Variants in TJP1 observed in about 807,000 individuals in gnomAD.
TJP1 encodes tight junction protein 1.
TJP1 carries 43 observed loss-of-function variants against 194.2 expected under a neutral mutation model. That is an observed-to-expected ratio of 0.22 (90% confidence interval 0.17 to 0.29). The LOEUF (loss-of-function observed/expected upper bound fraction) is 0.29. TJP1 is among the 10% of genes least tolerant of loss of function. The pLI is 1.00. For missense variants in TJP1, 1,971 were observed against 2,185.7 expected (o/e 0.90, Z 1.96); for synonymous variants, 801 against 779.0 (o/e 1.03, Z -0.47).
intron 2 of TJP1, among the ~76,000 whole-genome samples, chr15:29,908,094 AGAAG>A (rs2053885092): frequency 6.8e-6 from 1 of 146,068 alleles, no homozygotes; most frequent in Non-Finnish European, 1.5e-5. Flanking sequence ...AAGAAGAAGA[AGAAG>A]GAAAGATAAA....
chr15:29,778,610 C>A (rs75389152), intron 2 of TJP1, among the ~76,000 whole-genome samples: 1 of 152,118 alleles, frequency 6.6e-6, no homozygotes, highest in South Asian at 2.1e-4. Flanking sequence ...CCTTAGCATG[C>A]AGTGCCTTTG....
rs1225489261 is a variant in TJP1, at chr15:29,948,746, A to AACTTCT, written c.306+7480_306+7485dup. On this transcript the variant is annotated intron_variant, in intron 2 of 28. Transcript: ENST00000356107. The stretch of plus-strand genomic sequence containing the variant: ...AGCCCTGAAGAACATCCTACTGCAG[A>AACTTCT]ACTTCTAGTATATAACTTAATATCT... 2.6e-5 allele frequency among the ~76,000 whole-genome samples: 4 copies of AACTTCT among 152,200 alleles called. No homozygotes were observed. The East Asian group carries it at 7.7e-4, about 29-fold the overall frequency.
intron 2 of TJP1, among the ~76,000 whole-genome samples, chr15:29,856,772 G>A (rs2051869860): frequency 6.6e-6 from 1 of 151,342 alleles, no homozygotes; most frequent in Non-Finnish European, 1.5e-5. Context: ...AGGAGATCGA[G>A]ACCATCCTGG....
At chr15:29,789,090 C>A (rs1490789121) in intron 2 of TJP1, among the ~76,000 whole-genome samples, 1 of 152,022 alleles carries the variant, frequency 6.6e-6, no homozygotes, top group Non-Finnish European at 1.5e-5. Context: ...CTAAATAAGA[C>A]CTATTATAAA....
chr15:29,895,036 C>T (rs1567173806), intron 2 of TJP1, among the ~76,000 whole-genome samples: 1 of 152,170 alleles, frequency 6.6e-6, no homozygotes, highest in Non-Finnish European at 1.5e-5. Context: ...ATTGTTCTGC[C>T]ACCAAGGCCC....
chr15:29,771,474 TAGAGGAGGAAA>T (rs2046672489), intron 4 of TJP1, among the ~76,000 whole-genome samples: 1 of 152,044 alleles, frequency 6.6e-6, no homozygotes, highest in African/African-American at 2.4e-5. Flanking sequence ...CATGTGACTG[TAGAGGAGGAAA>T]AGAGGAGGAA....
At chr15:29,830,245 T>C (rs1211775341) in intron 2 of TJP1, among the ~76,000 whole-genome samples, 6 of 151,702 alleles carry the variant, frequency 4.0e-5, no homozygotes, top group African/African-American at 1.4e-4. Context: ...TGTGTATGTG[T>C]ACATCAACTA....
intron 1 of TJP1, among the ~76,000 whole-genome samples, chr15:29,809,586 C>T (rs946133094): frequency 1.3e-5 from 2 of 152,128 alleles, no homozygotes; most frequent in Non-Finnish European, 2.9e-5. Context: ...TGGCTCACAC[C>T]TGTAATCTCA....
chr15:29,966,784 GAT>G (rs1456994968), intron 1 of TJP1, among the ~76,000 whole-genome samples: 1 of 152,098 alleles, frequency 6.6e-6, no homozygotes, highest in Non-Finnish European at 1.5e-5. Context: ...GTTAGTTATT[GAT>G]AAGGGCTCAG....
At chr15:29,756,691 G>C (rs1644749860) in intron 8 of TJP1, among the ~76,000 whole-genome samples, 1 of 152,142 alleles carries the variant, frequency 6.6e-6, no homozygotes, top group African/African-American at 2.4e-5. Context: ...GACAACAATG[G>C]AACGCTGGTA....
intron 1 of TJP1, among the ~76,000 whole-genome samples, chr15:29,813,637 T>C (rs1390252775): frequency 1.3e-5 from 2 of 152,124 alleles, no homozygotes; most frequent in African/African-American, 4.8e-5. Context: ...AATTAGGTGG[T>C]AACTATAAAG....
At chr15:29,900,459 C>T (rs1596214978) in intron 2 of TJP1, among the ~76,000 whole-genome samples, 1 of 152,244 alleles carries the variant, frequency 6.6e-6, no homozygotes, top group African/African-American at 2.4e-5. Flanking sequence ...GAGGCTACTT[C>T]AACAGTACAG....
intron 2 of TJP1, among the ~76,000 whole-genome samples, chr15:29,918,353 T>C (rs1318014252): frequency 6.6e-6 from 1 of 152,178 alleles, no homozygotes; most frequent in African/African-American, 2.4e-5. Flanking sequence ...TGTGAACAGA[T>C]AACTAAGGAT....
At chr15:29,847,337 T>C (rs2152076011) in intron 2 of TJP1, among the ~76,000 whole-genome samples, 1 of 152,296 alleles carries the variant, frequency 6.6e-6, no homozygotes, top group Middle Eastern at 3.4e-3. Flanking sequence ...TTTGATTTTT[T>C]GCTTTTTTCT....
intron 1 of TJP1, among the ~76,000 whole-genome samples, chr15:29,803,006 G>C (rs755182121): frequency 2.6e-5 from 4 of 152,062 alleles, no homozygotes; most frequent in Non-Finnish European, 4.4e-5. Flanking sequence ...TAACATTAAG[G>C]GGGGAGCAGG....
intron 23 of TJP1, among the ~76,000 whole-genome samples, chr15:29,715,934 G>A (rs545766856): frequency 6.6e-5 from 10 of 152,276 alleles, no homozygotes; most frequent in South Asian, 2.1e-4. Context: ...CTGTGTGCCC[G>A]TGTGGGCTTA....
intron 2 of TJP1, among the ~76,000 whole-genome samples, chr15:29,872,661 C>T (rs2052566835): frequency 1.3e-5 from 2 of 152,146 alleles, no homozygotes; most frequent in African/African-American, 4.8e-5. Flanking sequence ...AAAGCAAGAA[C>T]TAGGAGCTGG....
intron 2 of TJP1, among the ~76,000 whole-genome samples, chr15:29,954,062 A>G (rs2152311670): frequency 6.6e-6 from 1 of 152,344 alleles, no homozygotes; most frequent in South Asian, 2.1e-4. Context: ...AGAGTCAAAT[A>G]GAAAAACCAT....
intron 2 of TJP1, among the ~76,000 whole-genome samples, chr15:29,844,463 A>T (rs1040351394): frequency 6.6e-6 from 1 of 152,148 alleles, no homozygotes; most frequent in Non-Finnish European, 1.5e-5. Context: ...ACCAGCAGTG[A>T]CCCAGGGATG....
Sources: gnomAD v4.1 joint callset for allele counts (sites outside exome capture counted in the v4.1 genomes callset) on GRCh38, gnomAD v4.1.1 for gene constraint, MANE v1.5 for transcripts, NCBI Gene and HGNC (gene_info 2026-07-23, HGNC 2026-07-21) for gene names.